The following ARHGAP10 variants were observed in gnomAD, a reference collection of about 807,000 sequenced individuals.
ARHGAP10 encodes Rho GTPase activating protein 10, also known as rho GTPase-activating protein 10.
Under a neutral mutation model 108.6 loss-of-function variants are expected in ARHGAP10, and 87 were observed. The ratio of observed to expected loss-of-function variants is 0.80; its 90% CI spans 0.67 to 0.96. The LOEUF is 0.96. ARHGAP10 is among the 40% of genes least tolerant of loss of function. The probability of loss-of-function intolerance (pLI) is 0.00; values close to 1 mark genes in which losing one functional copy is unlikely to be tolerated. For missense variants in ARHGAP10, 939 were observed against 954.5 expected (o/e 0.98, Z 0.21); for synonymous variants, 347 against 341.1 (o/e 1.02, Z -0.19).
intron 1 of ARHGAP10, among the ~76,000 whole-genome samples, chr4:147,791,276 TA>T (rs1366564605): frequency 8.6e-5 from 13 of 151,980 alleles, no homozygotes; most frequent in Admixed American, 7.2e-4. Flanking sequence ...CATGTCTGGC[TA>T]ATTTTTGTAT....
chr4:147,906,820 C>A, intron 11 of ARHGAP10, 101 bp downstream of exon 11: 2 of 1,427,444 alleles, frequency 1.4e-6, no homozygotes, highest in Non-Finnish European at 2.0e-6. Context: ...AAGTTCCCTT[C>A]TATAACAGGT....
In ARHGAP10 at chr4:147,822,641, G is replaced by C. The variant is rs150001230; in HGVS notation, c.155-86G>C. 91 of 1,377,046 alleles carry C rather than the reference G, an allele frequency of 6.6e-5. No individual in the cohort carries two copies. In the East Asian group the frequency reaches 1.9e-3, roughly 29 times the overall value. The allele number at this position is 1,377,046 out of a possible 1,614,324, so 85.3% of individuals were successfully genotyped here. ...AGATTGAGCGGAGGAGAGCTCTACA[G>C]CTTTACCAATTTTAGGAAGAATAAA... On this transcript the variant is annotated intron_variant, in intron 1 of 22. Coordinates refer to ENST00000336498, the MANE Select transcript of ARHGAP10 (RefSeq NM_024605.4).
At chr4:147,732,975 C>A (rs1212904813) in intron 1 of ARHGAP10, among the ~76,000 whole-genome samples, 1 of 152,198 alleles carries the variant, frequency 6.6e-6, no homozygotes, top group Non-Finnish European at 1.5e-5. Context: ...GTCTGATCTT[C>A]CCCGACAGTC....
At chr4:147,851,103 A>G (rs1328745539) in intron 4 of ARHGAP10, among the ~76,000 whole-genome samples, 2 of 152,240 alleles carry the variant, frequency 1.3e-5, no homozygotes, top group Non-Finnish European at 2.9e-5. Flanking sequence ...TTCAGATGCT[A>G]TCTTGGAAAG....
At chr4:147,826,747 T>C (rs1301731138) in intron 3 of ARHGAP10, among the ~76,000 whole-genome samples, 1 of 152,188 alleles carries the variant, frequency 6.6e-6, no homozygotes, top group Non-Finnish European at 1.5e-5. Flanking sequence ...TCACAAATAC[T>C]TCAGTATATA....
rs191718532 is a variant in ARHGAP10 at position 147,748,153 on chromosome 4, C to T, written c.154+15698C>T. Among the ~76,000 whole-genome samples, 47 of 152,340 alleles carry T rather than the reference C, an allele frequency of 3.1e-4. 1 individual carries two copies. The highest frequency in any genetic ancestry group is 9.1e-4 in the African/African-American group (38 of 41,576). On this transcript the variant is annotated intron_variant, in intron 1 of 22. Coordinates refer to ENST00000336498, the MANE Select transcript of ARHGAP10 (RefSeq NM_024605.4). ...CTTGAGAAGTACAGTTATGCTAAGA[C>T]AATAACCATGAACTGGAATTGCTAC... is the stretch of plus-strand genomic sequence containing the variant.
intron 5 of ARHGAP10, chr4:147,861,275 A>G (rs561996267): frequency 2.4e-4 from 36 of 152,546 alleles, no homozygotes; most frequent in African/African-American, 8.2e-4. Flanking sequence ...TGGACCAGGC[A>G]TACTGCAGGT....
At chr4:147,764,725 G>A (rs1426581607) in intron 1 of ARHGAP10, among the ~76,000 whole-genome samples, 1 of 152,056 alleles carries the variant, frequency 6.6e-6, no homozygotes, top group East Asian at 1.9e-4. Flanking sequence ...AGTAGAGACG[G>A]AGTTTCGCTA....
intron 19 of ARHGAP10, among the ~76,000 whole-genome samples, chr4:148,025,331 T>C (rs1268346782): frequency 6.6e-6 from 1 of 152,184 alleles, no homozygotes; most frequent in African/African-American, 2.4e-5. Context: ...TGAAGTATTT[T>C]ATAGCTTTAT....
chr4:147,764,846 T>G (rs924780), intron 1 of ARHGAP10, among the ~76,000 whole-genome samples: 97,549 of 152,192 alleles, frequency 0.64, 37,062 homozygotes, highest in Non-Finnish European at 0.82. Flanking sequence ...AGTAAACATT[T>G]ATTAAGTGTG....
intron 13 of ARHGAP10, among the ~76,000 whole-genome samples, chr4:147,919,378 T>C (rs1330730839): frequency 6.6e-6 from 1 of 152,196 alleles, no homozygotes; most frequent in Non-Finnish European, 1.5e-5. Flanking sequence ...AGTTTGCTCA[T>C]GATGTTTTGG....
At chr4:147,909,663 A>C (rs1055075932) in intron 11 of ARHGAP10, 69 bp from the exon 12 acceptor site, 2 of 1,292,136 alleles carry the variant, frequency 1.5e-6, no homozygotes, top group Non-Finnish European at 2.2e-6. Context: ...TATGGTCCTC[A>C]GTGTGCCTAC....
intron 18 of ARHGAP10, among the ~76,000 whole-genome samples, chr4:148,001,566 T>C (rs1578777874): frequency 6.6e-6 from 1 of 152,008 alleles, no homozygotes; most frequent in Non-Finnish European, 1.5e-5. Flanking sequence ...TTCTTCCATT[T>C]GTTTGTGTCC....
chr4:148,030,048 A>ATTGCTTCC (rs1211602291), intron 19 of ARHGAP10, among the ~76,000 whole-genome samples: 1 of 147,510 alleles, frequency 6.8e-6, no homozygotes, highest in East Asian at 2.0e-4. Context: ...AACTTCTTCT[A>ATTGCTTCC]TTGCTTCCTA....
At chr4:147,740,190 T>G (rs1300479234) in intron 1 of ARHGAP10, among the ~76,000 whole-genome samples, 1 of 151,784 alleles carries the variant, frequency 6.6e-6, no homozygotes, top group Non-Finnish European at 1.5e-5. Context: ...ACCCTGTAGC[T>G]AGTATTATAG....
At chr4:147,992,727 G>A (rs555964221) in intron 18 of ARHGAP10, among the ~76,000 whole-genome samples, 2 of 152,222 alleles carry the variant, frequency 1.3e-5, no homozygotes, top group South Asian at 4.2e-4. Flanking sequence ...TTAATAAAAA[G>A]GTTTAAAACA....
intron 4 of ARHGAP10, 138 bp downstream of exon 4, chr4:147,847,360 C>T: frequency 1.3e-6 from 1 of 793,562 alleles, no homozygotes; most frequent in Non-Finnish European, 2.0e-6. Flanking sequence ...TGCTTTTCCC[C>T]CTTTGGGGGA....
In ARHGAP10 at chr4:147,732,351, G is replaced by A; in HGVS notation, c.50G>A (p.Trp17Ter). 1 of 1,613,462 alleles carries A rather than the reference G, an allele frequency of 6.2e-7. No homozygotes were observed. Among genetic ancestry groups the A allele is most frequent in the Non-Finnish European group, 8.5e-7 (1 of 1,179,636 alleles). Reference protein sequence around the residue: ...EFSDCYLDSPWFRERIRAHEA... With the variant: ...EFSDCYLDSP ...AGCGACTGCTACCTCGACAGCCCGT[G>A]GTTCCGGGAGAGGATCCGCGCTCAC... is the stretch of plus-strand genomic sequence containing the variant. The change falls in exon 1 of 23, where the codon TGG (tryptophan) becomes TAG (stop). Residue 17 changes from tryptophan (W) to a stop codon, truncating the protein, a stop_gained. Coordinates refer to ENST00000336498, the MANE Select transcript of ARHGAP10 (RefSeq NM_024605.4). LOFTEE classifies it high-confidence loss of function.
intron 7 of ARHGAP10, among the ~76,000 whole-genome samples, chr4:147,869,265 G>A (rs1007123300): frequency 6.6e-6 from 1 of 152,098 alleles, no homozygotes; most frequent in Non-Finnish European, 1.5e-5. Flanking sequence ...GTGAGCTGTG[G>A]GGAAACATCA....
Sources: allele counts gnomAD v4.1 joint callset (sites outside exome capture counted in the v4.1 genomes callset), GRCh38; gene constraint gnomAD v4.1.1; transcripts MANE v1.5; gene names NCBI Gene and HGNC (gene_info 2026-07-23, HGNC 2026-07-21).